Variants in B3GALT1 observed in about 807,000 individuals in gnomAD.
B3GALT1 encodes UDP-Gal:betaGlcNAc beta 1,3-galactosyltransferase, polypeptide 1.
B3GALT1 carries 10 observed loss-of-function variants against 23.2 expected under a neutral mutation model. That is an observed-to-expected ratio of 0.43 (90% CI 0.27 to 0.73). The LOEUF is 0.73. Ranked by LOEUF, B3GALT1 falls within the 30% of genes least tolerant of loss-of-function variation. The pLI, the probability that B3GALT1 is intolerant of heterozygous loss-of-function variation, is 0.21. For missense variants in B3GALT1, 299 were observed against 405.4 expected, an observed-to-expected ratio of 0.74 and a Z score of 2.25; for synonymous variants, 156 against 141.5, an observed-to-expected ratio of 1.10 and a Z score of -0.73.
intron 2 of B3GALT1, among the ~76,000 whole-genome samples, chr2:167,572,011 A>G (rs1266821474): frequency 6.6e-6 from 1 of 151,912 alleles, no homozygotes; most frequent in Admixed American, 6.6e-5. Context: ...CCATCAAGAA[A>G]GAAAATGTCT....
intron 3 of B3GALT1, among the ~76,000 whole-genome samples, chr2:167,797,983 C>A (rs939696851): frequency 6.6e-6 from 1 of 152,114 alleles, no homozygotes; most frequent in African/African-American, 2.4e-5. Context: ...GTATTACAGG[C>A]GTGAGCCACC....
At chr2:167,843,007 C>T (rs566475578) in intron 4 of B3GALT1, among the ~76,000 whole-genome samples, 8 of 152,186 alleles carry the variant, frequency 5.3e-5, no homozygotes, top group Admixed American at 1.3e-4. Context: ...GAAATGATTG[C>T]GGAGCAGTGA....
chr2:167,523,992 C>A (rs1683176718), intron 2 of B3GALT1, among the ~76,000 whole-genome samples: 1 of 151,908 alleles, frequency 6.6e-6, no homozygotes, highest in Admixed American at 6.6e-5. Flanking sequence ...AATGATTATT[C>A]TTTTATATAT....
chr2:167,394,472 A>G (rs1215702682), intron 1 of B3GALT1, among the ~76,000 whole-genome samples: 1 of 152,114 alleles, frequency 6.6e-6, no homozygotes, highest in Non-Finnish European at 1.5e-5. Flanking sequence ...ATATTTATAT[A>G]TTGTTCCAGA....
chr2:167,563,766 G>A lies in B3GALT1; in HGVS notation c.-410+73489G>A, dbSNP rs1322205083. Among the ~76,000 whole-genome samples, 2 of 18,128 alleles carry A rather than the reference G, an allele frequency of 1.1e-4. 1 individual carries two copies. Among genetic ancestry groups the A allele is most frequent in the Non-Finnish European group, 2.5e-4 (2 of 7,888 alleles). The allele number at this position is 18,128 out of a possible 152,430, so 11.9% of individuals were successfully genotyped here. A position where few individuals can be genotyped will look rare whatever the true frequency, so the allele number is the denominator to read the frequency against. On this transcript the variant is annotated intron_variant, in intron 2 of 4. Coordinates refer to ENST00000392690, the MANE Select transcript of B3GALT1 (RefSeq NM_020981.4). ...GCGCCCCTCACCTCCCGGACGGGGCGGCTGGACTCGGGGCTGACCCCCCCA... is the reference window on the plus strand; with the variant it reads ...GCGCCCCTCACCTCCCGGACGGGGCAGCTGGACTCGGGGCTGACCCCCCCA...
intron 3 of B3GALT1, among the ~76,000 whole-genome samples, chr2:167,792,530 T>G (rs972053808): frequency 1.3e-5 from 2 of 152,180 alleles, no homozygotes; most frequent in African/African-American, 4.8e-5. Flanking sequence ...TCTTTTTAAT[T>G]AGGTCTTGAG....
chr2:167,412,843 A>G (rs1397673716), intron 1 of B3GALT1, among the ~76,000 whole-genome samples: 2 of 152,148 alleles, frequency 1.3e-5, no homozygotes, highest in East Asian at 3.8e-4. Context: ...AATGTCTACA[A>G]ATATGTTGTG....
chr2:167,619,428 CA>C, intron 2 of B3GALT1, among the ~76,000 whole-genome samples: 1 of 152,112 alleles, frequency 6.6e-6, no homozygotes, highest in East Asian at 1.9e-4. Context: ...TGCATGGGGA[CA>C]GGGACTAGGT....
intron 1 of B3GALT1, among the ~76,000 whole-genome samples, chr2:167,417,069 T>G (rs967751597): frequency 6.6e-6 from 1 of 152,124 alleles, no homozygotes; most frequent in Non-Finnish European, 1.5e-5. Context: ...AATATATTTA[T>G]GTGTTAGAAG....
chr2:167,428,544 G>T (rs1007428278), intron 1 of B3GALT1, among the ~76,000 whole-genome samples: 1 of 152,104 alleles, frequency 6.6e-6, no homozygotes, highest in Non-Finnish European at 1.5e-5. Context: ...CAGGCATGGT[G>T]GTAAGCACTT....
chr2:167,745,614 G>A (rs796199327), intron 3 of B3GALT1, among the ~76,000 whole-genome samples: 1 of 151,722 alleles, frequency 6.6e-6, no homozygotes, highest in East Asian at 1.9e-4. Flanking sequence ...TATTCTATTG[G>A]CTTATGATTC....
intron 3 of B3GALT1, among the ~76,000 whole-genome samples, chr2:167,661,540 C>T (rs1395468392): frequency 2.0e-5 from 3 of 152,016 alleles, no homozygotes; most frequent in African/African-American, 4.8e-5. Context: ...AGATGGGAGC[C>T]GTCCTGTGCA....
At chr2:167,589,486 G>A (rs1201299123) in intron 2 of B3GALT1, among the ~76,000 whole-genome samples, 1 of 151,970 alleles carries the variant, frequency 6.6e-6, no homozygotes, top group African/African-American at 2.4e-5. Context: ...ATTCTTACAA[G>A]GTGTAAGGTA....
chr2:167,800,563 T>C (rs1037392420), intron 3 of B3GALT1, among the ~76,000 whole-genome samples: 8 of 152,230 alleles, frequency 5.3e-5, no homozygotes, highest in Non-Finnish European at 1.0e-4. Flanking sequence ...CTAAAAGTAC[T>C]ATCTGCCTAG....
At chr2:167,568,295 G>A (rs1684213028) in intron 2 of B3GALT1, among the ~76,000 whole-genome samples, 1 of 152,082 alleles carries the variant, frequency 6.6e-6, no homozygotes, top group Non-Finnish European at 1.5e-5. Flanking sequence ...GTTATGTTTA[G>A]TTTGGTAAGG....
At chr2:167,374,632 T>A (rs1438977243) in intron 1 of B3GALT1, among the ~76,000 whole-genome samples, 1 of 152,142 alleles carries the variant, frequency 6.6e-6, no homozygotes, top group Non-Finnish European at 1.5e-5. Flanking sequence ...TTTTTTCATG[T>A]TTGTTGGCTG....
At chr2:167,564,352 G>A (rs1448053403) in intron 2 of B3GALT1, among the ~76,000 whole-genome samples, 7 of 149,472 alleles carry the variant, frequency 4.7e-5, no homozygotes, top group African/African-American at 7.4e-5. Context: ...GACGGCGGCC[G>A]GGCAGAGACG....
intron 1 of B3GALT1, among the ~76,000 whole-genome samples, chr2:167,346,482 G>A (rs1007793002): frequency 4.6e-5 from 7 of 151,964 alleles, no homozygotes; most frequent in African/African-American, 1.5e-4. Context: ...GATCCCTTAT[G>A]TCAATGTAAT....
At chr2:167,695,013 C>T (rs1454573147) in intron 3 of B3GALT1, among the ~76,000 whole-genome samples, 2 of 152,138 alleles carry the variant, frequency 1.3e-5, no homozygotes, top group Non-Finnish European at 2.9e-5. Context: ...TGTTCCCATG[C>T]TCTCTCAATT....
Sources: gnomAD v4.1 joint callset for allele counts (sites outside exome capture counted in the v4.1 genomes callset) on GRCh38, gnomAD v4.1.1 for gene constraint, MANE v1.5 for transcripts, NCBI Gene and HGNC (gene_info 2026-07-23, HGNC 2026-07-21) for gene names.